Variants in CPA6 observed in about 807,000 individuals in gnomAD.
The protein encoded by CPA6 is carboxypeptidase A6.
Under a neutral mutation model 63.3 loss-of-function variants are expected in CPA6, and 58 were observed. The observed-to-expected ratio is 0.92, with a 90% CI of 0.74 to 1.14. CPA6 has a LOEUF of 1.14. Among genes scored for constraint, CPA6 ranks in the 50% most tolerant of loss-of-function variants. The pLI is 0.00. For synonymous variants in CPA6, 185 were observed against 179.0 expected (o/e 1.03, Z -0.27); for missense variants, 565 against 526.6 (o/e 1.07, Z -0.71).
chr8:67,601,534 C>A (rs1814496881), intron 2 of CPA6, among the ~76,000 whole-genome samples: 1 of 152,130 alleles, frequency 6.6e-6, no homozygotes, highest in South Asian at 2.1e-4. Context: ...ATGATCCATA[C>A]TTTTAAGCAC....
chr8:67,533,724 A>G (rs895373786), intron 2 of CPA6, among the ~76,000 whole-genome samples: 6 of 152,210 alleles, frequency 3.9e-5, no homozygotes, highest in African/African-American at 1.4e-4. Context: ...ACCTCTTTCA[A>G]TAGTGTTCTT....
intron 3 of CPA6, among the ~76,000 whole-genome samples, chr8:67,514,146 C>T (rs1812096966): frequency 6.6e-6 from 1 of 151,896 alleles, no homozygotes; most frequent in South Asian, 2.1e-4. Context: ...TTAGTAGAGA[C>T]CGGGTTTCAC....
intron 2 of CPA6, among the ~76,000 whole-genome samples, chr8:67,584,874 A>G (rs1813883659): frequency 6.6e-6 from 1 of 152,166 alleles, no homozygotes; most frequent in Non-Finnish European, 1.5e-5. Flanking sequence ...TAAAGCCAAC[A>G]TCTCCGATGT....
intron 1 of CPA6, among the ~76,000 whole-genome samples, chr8:67,721,309 G>T (rs13277753): frequency 0.19 from 29,236 of 152,142 alleles, 3,122 homozygotes; most frequent in African/African-American, 0.26. Context: ...CTTTCTAAAA[G>T]GTTCCCTTTC....
chr8:67,560,178 T>TATATATATA (rs1564000623), intron 2 of CPA6, among the ~76,000 whole-genome samples: 3 of 150,388 alleles, frequency 2.0e-5, no homozygotes, highest in Non-Finnish European at 4.4e-5. Flanking sequence ...TATATATATA[T>TATATATATA]TCCAGATGTA....
Position 67,635,681 on chromosome 8 carries a change from C to T in CPA6, c.117-11430G>A, listed in dbSNP as rs765745694. 8.6e-5 allele frequency among the ~76,000 whole-genome samples: 13 copies of T among 151,608 alleles called. 1 individual carries two copies. Among genetic ancestry groups the T allele is most frequent in the Non-Finnish European group, 1.3e-4 (9 of 68,038 alleles). ...ACTTGGGAGGCTGAGGCAGAAGAAT[C>T]ACTTGAACCTGGGAGGTGGAGGTTG... is the stretch of plus-strand genomic sequence containing the variant. On this transcript the variant is annotated intron_variant, in intron 1 of 10. Coordinates refer to ENST00000297770, the MANE Select transcript of CPA6 (RefSeq NM_020361.5).
At chr8:67,723,193 AG>A (rs1393904731) in intron 1 of CPA6, among the ~76,000 whole-genome samples, 1 of 152,166 alleles carries the variant, frequency 6.6e-6, no homozygotes, top group African/African-American at 2.4e-5. Context: ...CTTTGTTTTC[AG>A]CTTTTAGAAA....
intron 2 of CPA6, among the ~76,000 whole-genome samples, chr8:67,529,573 A>G (rs1360287629): frequency 6.6e-6 from 1 of 152,220 alleles, no homozygotes; most frequent in African/African-American, 2.4e-5. Context: ...TTCTGGAGAA[A>G]TTAAAACAGA....
intron 1 of CPA6, among the ~76,000 whole-genome samples, chr8:67,662,886 C>T (rs1816148386): frequency 6.6e-6 from 1 of 152,144 alleles, no homozygotes; most frequent in South Asian, 2.1e-4. Flanking sequence ...GGTTTCTTAA[C>T]AACCTCAATT....
chr8:67,446,895 C>T (rs1349279791), intron 8 of CPA6, among the ~76,000 whole-genome samples: 1 of 152,050 alleles, frequency 6.6e-6, no homozygotes, highest in Non-Finnish European at 1.5e-5. Flanking sequence ...TACTGGTGTG[C>T]AGTGTGTGTG....
At chr8:67,540,053 T>C (rs572767625) in intron 2 of CPA6, among the ~76,000 whole-genome samples, 2 of 151,964 alleles carry the variant, frequency 1.3e-5, no homozygotes, top group Non-Finnish European at 2.9e-5. Context: ...TGGTGAGGAG[T>C]TGTGATTCTT....
intron 2 of CPA6, among the ~76,000 whole-genome samples, chr8:67,583,202 T>C (rs1813822484): frequency 1.3e-5 from 2 of 152,246 alleles, no homozygotes; most frequent in South Asian, 4.2e-4. Context: ...TGCAGCTGCC[T>C]TGTGCAACTA....
intron 8 of CPA6, among the ~76,000 whole-genome samples, chr8:67,477,937 G>A (rs1474729616): frequency 6.6e-6 from 1 of 152,184 alleles, no homozygotes; most frequent in East Asian, 1.9e-4. Context: ...AATACATACA[G>A]CTCCTAAAAT....
rs754918330 is a variant in CPA6, at chr8:67,506,789, CT to C, written c.633del (p.Glu212LysfsTer4). The C allele has an allele frequency of 5.6e-6, 9 of 1,603,460 alleles. No homozygotes were observed. Among genetic ancestry groups the C allele is most frequent in the African/African-American group, 1.3e-5 (1 of 74,806 alleles). On this transcript the variant is annotated frameshift_variant, in exon 6 of 11. Transcript: ENST00000297770. ...IGPAFCQWFV[K>X]EALLTYKSDP... ...ATTGTGTAAAGGGTTTAACTTACTT[CT>C]TTTACAAACCACTGACAAAAGGCAG...
chr8:67,455,193 G>A lies in CPA6; in HGVS notation c.839-20953C>T, dbSNP rs114156494. On this transcript the variant is annotated intron_variant, in intron 8 of 10. Coordinates refer to ENST00000297770, the MANE Select transcript of CPA6 (RefSeq NM_020361.5). ...GAAGAATGGAGGGGTACCAGAAGCC[G>A]CAATGGGCTAAAAATCATGAGGCTG... Among the ~76,000 whole-genome samples the A allele has an allele frequency of 3.8e-3, 586 of 152,244 alleles. 3 individuals carry two copies. The highest frequency in any genetic ancestry group is 0.013 in the African/African-American group (551 of 41,534).
In CPA6 at chr8:67,443,850, C is replaced by T. The variant is rs541162140; in HGVS notation, c.839-9610G>A. ...AGCTGGAGGTAGGACAGTGGTATTACGAACGGTACCAACGGGGTGCATCAA... is the reference window on the plus strand; with the variant it reads ...AGCTGGAGGTAGGACAGTGGTATTATGAACGGTACCAACGGGGTGCATCAA... On this transcript the variant is annotated intron_variant, in intron 8 of 10. Coordinates refer to ENST00000297770, the MANE Select transcript of CPA6 (RefSeq NM_020361.5). 3.8e-4 allele frequency among the ~76,000 whole-genome samples: 58 copies of T among 152,236 alleles called. No homozygotes were observed. In the East Asian group the frequency reaches 4.6e-3, roughly 12 times the overall value.
intron 2 of CPA6, among the ~76,000 whole-genome samples, chr8:67,534,723 T>A (rs114785817): frequency 0.026 from 3,906 of 152,114 alleles, 87 homozygotes; most frequent in Admixed American, 0.062. Context: ...TCTTTTTTTT[T>A]TAAAAAATTA....
intron 1 of CPA6, among the ~76,000 whole-genome samples, chr8:67,657,853 C>T (rs1402174151): frequency 3.3e-5 from 5 of 152,192 alleles, no homozygotes; most frequent in Admixed American, 3.3e-4. Context: ...AGTGCACTCT[C>T]CCTGCAGCCA....
At chr8:67,596,032 C>T (rs79364351) in intron 2 of CPA6, among the ~76,000 whole-genome samples, 3 of 152,302 alleles carry the variant, frequency 2.0e-5, no homozygotes, top group East Asian at 3.9e-4. Context: ...CTTGGCTCCT[C>T]CCCCCAGTGT....
Sources: gnomAD v4.1 joint callset for allele counts (sites outside exome capture counted in the v4.1 genomes callset) on GRCh38, gnomAD v4.1.1 for gene constraint, MANE v1.5 for transcripts, NCBI Gene and HGNC (gene_info 2026-07-23, HGNC 2026-07-21) for gene names.